CDH18: variants seen among roughly 807,000 people sequenced by gnomAD.
CDH18 encodes the protein cadherin-18.
A neutral mutation model predicts 67.9 loss-of-function variants in CDH18; 31 were observed. That is an observed-to-expected ratio of 0.46 (90% CI 0.34 to 0.62). The LOEUF (loss-of-function observed/expected upper bound fraction) is 0.62, where lower values mean the gene tolerates loss of function less well. Ranked by LOEUF, CDH18 falls within the 20% of genes least tolerant of loss-of-function variation. The probability of loss-of-function intolerance (pLI) is 0.01; values close to 1 mark genes in which losing one functional copy is unlikely to be tolerated. For synonymous variants in CDH18, 362 were observed against 347.2 expected (o/e 1.04, Z -0.48); for missense variants, 890 against 975.5 (o/e 0.91, Z 1.17).
At chr5:19,797,403 A>G (rs114195501) in intron 3 of CDH18, among the ~76,000 whole-genome samples, 1,634 of 152,134 alleles carry the variant, frequency 0.011, 10 homozygotes, top group South Asian at 0.022. Context: ...TCCTATTTTT[A>G]GGTAATGTTA....
chr5:20,418,116 C>G (rs1408059825), intron 1 of CDH18, among the ~76,000 whole-genome samples: 1 of 151,790 alleles, frequency 6.6e-6, no homozygotes, highest in Non-Finnish European at 1.5e-5. Context: ...CTGTTGTCGG[C>G]CGGGGCTGGA....
At position 19,759,410 on chromosome 5, in the gene CDH18, C is replaced by G. The variant is rs147885190; in HGVS notation, c.229-12174G>C. On this transcript the variant is annotated intron_variant, in intron 3 of 12. Coordinates refer to ENST00000382275, the MANE Select transcript of CDH18 (RefSeq NM_004934.5). ...CTCTAAAGGCTTCCATTTGGCCTTT[C>G]CCACCATAATACCCCTCAACCTACC... 9.1e-3 allele frequency among the ~76,000 whole-genome samples: 1,380 copies of G among 152,268 alleles called. 21 individuals carry two copies. The highest frequency in any genetic ancestry group is 0.031 in the African/African-American group (1,298 of 41,548).
In CDH18 at chr5:20,304,717, T is replaced by G. The variant is rs956292994; in HGVS notation, c.-579-49212A>C. The G allele has an allele frequency of 7.6e-5, 123 of 1,611,482 alleles. No homozygotes were observed. The African/African-American group carries it at 1.5e-3, about 20-fold the overall frequency. ...CAGCTCCACCTTCTTGTCAGGTGTA[T>G]CTTCAGTTTTGTTGCCATGAAACAA... On this transcript the variant is annotated intron_variant, in intron 1 of 14. Transcript: ENST00000507958.
rs182789408 is a variant in CDH18, at chr5:19,993,641, T to G, written c.-517-1627A>C. Among the ~76,000 whole-genome samples, 788 of 152,154 alleles carry G rather than the reference T, an allele frequency of 5.2e-3. 5 individuals are homozygous for G. Among genetic ancestry groups the G allele is most frequent in the South Asian group, 0.017 (80 of 4,818 alleles). On this transcript the variant is annotated intron_variant, in intron 2 of 14. Transcript: ENST00000507958. ...ACATATAGATATATACACATATATA[T>G]AGAGATAAATAGATATTATACATAG...
At chr5:19,529,615 T>C (rs1259647925) in intron 9 of CDH18, among the ~76,000 whole-genome samples, 1 of 152,078 alleles carries the variant, frequency 6.6e-6, no homozygotes, top group Non-Finnish European at 1.5e-5. Flanking sequence ...ATAGAATTAT[T>C]AAAACAGTCT....
intron 5 of CDH18, among the ~76,000 whole-genome samples, chr5:19,692,054 T>C (rs889440381): frequency 1.5e-4 from 23 of 151,914 alleles, no homozygotes; most frequent in African/African-American, 4.3e-4. Flanking sequence ...TGGAACAGAA[T>C]AGAGAACCCA....
chr5:19,937,526 A>G (rs1237854194), intron 2 of CDH18, among the ~76,000 whole-genome samples: 8 of 151,538 alleles, frequency 5.3e-5, no homozygotes, highest in African/African-American at 1.9e-4. Flanking sequence ...TTGATTGCAA[A>G]TATGTTTTCT....
intron 2 of CDH18, among the ~76,000 whole-genome samples, chr5:19,908,344 C>T (rs1790754522): frequency 6.6e-6 from 1 of 151,846 alleles, no homozygotes; most frequent in East Asian, 1.9e-4. Context: ...TCTCATTTAA[C>T]TAAAAATGTT....
At chr5:20,298,533 C>G (rs762754698) in intron 1 of CDH18, among the ~76,000 whole-genome samples, 2 of 152,050 alleles carry the variant, frequency 1.3e-5, no homozygotes, top group African/African-American at 2.4e-5. Flanking sequence ...TATTGCATCT[C>G]AAATTTAAAA....
At chr5:20,004,846 A>G (rs1431770679) in intron 2 of CDH18, among the ~76,000 whole-genome samples, 2 of 152,208 alleles carry the variant, frequency 1.3e-5, no homozygotes, top group Non-Finnish European at 2.9e-5. Context: ...TCCACTATCT[A>G]TCTACAAGGA....
In CDH18 at chr5:19,691,019, C is replaced by A. The variant is rs189657666; in HGVS notation, c.643+30328G>T. 8.6e-5 allele frequency among the ~76,000 whole-genome samples: 13 copies of A among 151,824 alleles called. No individual in the cohort carries two copies. In the East Asian group the frequency reaches 2.5e-3, roughly 29 times the overall value. Reference sequence around the variant, plus strand: ...CCCTAATGAACATAAATGCAAAAATCTTCAATAAAATATTAACAAATTGAA... The same window carrying A: ...CCCTAATGAACATAAATGCAAAAATATTCAATAAAATATTAACAAATTGAA... On this transcript the variant is annotated intron_variant, in intron 5 of 12. Transcript: ENST00000382275.
At chr5:19,622,040 A>G (rs62351280) in intron 5 of CDH18, among the ~76,000 whole-genome samples, 21,964 of 152,114 alleles carry the variant, frequency 0.14, 2,024 homozygotes, top group Admixed American at 0.19. Flanking sequence ...AAAATAAGAA[A>G]GAAACAGCTA....
At chr5:19,587,805 T>G (rs1159615145) in intron 7 of CDH18, among the ~76,000 whole-genome samples, 1 of 152,122 alleles carries the variant, frequency 6.6e-6, no homozygotes. Context: ...TTTAAATCAT[T>G]TTTTTCTAAT....
intron 1 of CDH18, among the ~76,000 whole-genome samples, chr5:20,441,130 G>T (rs10941828): frequency 0.65 from 97,951 of 151,098 alleles, 33,354 homozygotes; most frequent in Non-Finnish European, 0.76. Context: ...CAGAATTTTT[G>T]TTTTTACAAA....
chr5:20,305,750 A>G (rs888594855), intron 1 of CDH18: 11 of 315,292 alleles, frequency 3.5e-5, no homozygotes, highest in African/African-American at 2.2e-4. Context: ...CGCGCCGAAC[A>G]CGCTTTGGGC....
chr5:20,076,059 T>C (rs10155660), intron 2 of CDH18, among the ~76,000 whole-genome samples: 5,367 of 152,248 alleles, frequency 0.035, 317 homozygotes, highest in African/African-American at 0.12. Flanking sequence ...TATATCTATG[T>C]AACTTCACTT....
intron 2 of CDH18, among the ~76,000 whole-genome samples, chr5:20,025,738 GCCTCATTTT>G (rs1738838594): frequency 6.6e-6 from 1 of 152,156 alleles, no homozygotes; most frequent in African/African-American, 2.4e-5. Context: ...CTTGTCCAGA[GCCTCATTTT>G]CCTCTAATCA....
chr5:20,433,716 A>T (rs1270252251), intron 1 of CDH18, among the ~76,000 whole-genome samples: 4 of 152,076 alleles, frequency 2.6e-5, no homozygotes, highest in Admixed American at 2.6e-4. Flanking sequence ...CTAATTGTAT[A>T]TTTACAACTG....
chr5:20,463,749 T>C (rs1751437461), intron 1 of CDH18, among the ~76,000 whole-genome samples: 1 of 152,174 alleles, frequency 6.6e-6, no homozygotes, highest in South Asian at 2.1e-4. Context: ...CTTTGAAGGC[T>C]AGAATCAACT....
Sources: allele counts gnomAD v4.1 joint callset (sites outside exome capture counted in the v4.1 genomes callset), GRCh38; gene constraint gnomAD v4.1.1; transcripts MANE v1.5; gene names NCBI Gene and HGNC (gene_info 2026-07-23, HGNC 2026-07-21).